Variants in ADGRL3 observed in about 807,000 individuals in gnomAD.
The protein encoded by ADGRL3 is calcium-independent alpha-latrotoxin receptor 3.
Under a neutral mutation model 153.5 loss-of-function variants are expected in ADGRL3, and 62 were observed. That is an observed-to-expected ratio of 0.40 (90% confidence interval 0.33 to 0.50). The LOEUF (loss-of-function observed/expected upper bound fraction) is 0.50, where lower values mean the gene tolerates loss of function less well. Among genes scored for constraint, ADGRL3 ranks in the 20% least tolerant of loss-of-function variants. The pLI is 0.47. For missense variants in ADGRL3, 1,641 were observed against 1,859.4 expected (o/e 0.88, Z 2.16); for synonymous variants, 710 against 672.5 (o/e 1.06, Z -0.86).
intron 9 of ADGRL3, among the ~76,000 whole-genome samples, chr4:61,836,699 T>A (rs1482580989): frequency 6.6e-6 from 1 of 152,128 alleles, no homozygotes; most frequent in African/African-American, 2.4e-5. Context: ...CGTTTTAAAA[T>A]GACTGTATTT....
chr4:61,371,956 C>G (rs1169327259), intron 1 of ADGRL3, among the ~76,000 whole-genome samples: 2 of 152,106 alleles, frequency 1.3e-5, no homozygotes, highest in African/African-American at 2.4e-5. Context: ...CTCTAAACTT[C>G]CGTTCTTGCT....
intron 21 of ADGRL3, among the ~76,000 whole-genome samples, chr4:62,014,247 T>C (rs1171328882): frequency 2.6e-5 from 4 of 152,146 alleles, no homozygotes; most frequent in African/African-American, 9.6e-5. Flanking sequence ...AGAGAACCAA[T>C]CCTTTGAGTT....
In ADGRL3 at chr4:61,981,774, G is replaced by A. The variant is rs146627074; in HGVS notation, c.3016-1609G>A. On this transcript the variant is annotated intron_variant, in intron 18 of 26. Transcript: ENST00000683033. ...GGCTTTTGAGCATAATAAATAGTTC[G>A]CTTACTTAATGCTGTTTTCTGGTAT... Among the ~76,000 whole-genome samples the A allele has an allele frequency of 1.5e-3, 231 of 152,166 alleles. 2 individuals are homozygous for A. Among genetic ancestry groups the A allele is most frequent in the Middle Eastern group, 3.4e-3 (1 of 294 alleles).
At position 61,983,457 on chromosome 4, in the gene ADGRL3, G is replaced by T; in HGVS notation, c.3090G>T (p.Gly1030=). 6.2e-7 allele frequency: 1 copy of T among 1,613,860 alleles called. No individual in the cohort carries two copies. The highest frequency in any genetic ancestry group is 8.5e-7 in the Non-Finnish European group (1 of 1,179,864). Residue 1030 remains glycine (G), a synonymous_variant, in exon 19 of 27, where the codon GGG becomes GGT. Coordinates refer to ENST00000683033, the MANE Select transcript of ADGRL3 (RefSeq NM_001387552.1). ...CCTTCACCTGGATGTTCCTGGAGGG[G>T]GTGCAGCTTTATATCATGCTGGTGG... The part of the protein sequence containing the change: ...LAAFTWMFLE[G]VQLYIMLVEV...
chr4:61,899,527 C>T (rs2098652067), intron 11 of ADGRL3, among the ~76,000 whole-genome samples: 1 of 151,882 alleles, frequency 6.6e-6, no homozygotes, highest in Non-Finnish European at 1.5e-5. Context: ...CCACAATATA[C>T]ACATGCAAAA....
intron 1 of ADGRL3, among the ~76,000 whole-genome samples, chr4:61,222,437 T>C (rs1454710827): frequency 2.0e-5 from 3 of 152,186 alleles, no homozygotes; most frequent in Admixed American, 2.0e-4. Flanking sequence ...CAATATTTTA[T>C]GTATCTCTCA....
At chr4:61,393,564 C>T (rs2096837246) in intron 2 of ADGRL3, among the ~76,000 whole-genome samples, 1 of 151,396 alleles carries the variant, frequency 6.6e-6, no homozygotes, top group Non-Finnish European at 1.5e-5. Context: ...TAATTTAGAG[C>T]CTTTACTTAA....
intron 18 of ADGRL3, among the ~76,000 whole-genome samples, chr4:61,980,935 A>G (rs1211689000): frequency 1.3e-5 from 2 of 152,186 alleles, no homozygotes; most frequent in Non-Finnish European, 2.9e-5. Context: ...GAAAGCTGCT[A>G]TAACCATATG....
intron 21 of ADGRL3, among the ~76,000 whole-genome samples, chr4:62,028,179 A>G (rs1263738308): frequency 6.6e-6 from 1 of 151,868 alleles, no homozygotes; most frequent in Non-Finnish European, 1.5e-5. Flanking sequence ...ATCTTCACTA[A>G]TTGAGTATTA....
intron 9 of ADGRL3, among the ~76,000 whole-genome samples, chr4:61,883,758 G>T (rs1051687405): frequency 6.6e-6 from 1 of 152,092 alleles, no homozygotes; most frequent in Non-Finnish European, 1.5e-5. Flanking sequence ...TAAATTGACA[G>T]ATTTTTTTTT....
intron 1 of ADGRL3, among the ~76,000 whole-genome samples, chr4:61,348,571 A>C (rs956090687): frequency 1.3e-5 from 2 of 152,010 alleles, no homozygotes; most frequent in Admixed American, 6.6e-5. Context: ...GTGGAAGCAT[A>C]ATTCTCAAAT....
At chr4:61,606,363 A>G (rs576739013) in intron 5 of ADGRL3, among the ~76,000 whole-genome samples, 1 of 152,340 alleles carries the variant, frequency 6.6e-6, no homozygotes, top group Admixed American at 6.5e-5. Context: ...TAAGGCTGCC[A>G]TAACAAAATA....
intron 2 of ADGRL3, among the ~76,000 whole-genome samples, chr4:61,435,859 G>A (rs1432013556): frequency 6.7e-6 from 1 of 150,344 alleles, no homozygotes; most frequent in East Asian, 1.9e-4. Context: ...AGTTATCAAT[G>A]GGAAGTTAAT....
At chr4:61,876,667 T>C (rs577053327) in intron 9 of ADGRL3, among the ~76,000 whole-genome samples, 3 of 151,392 alleles carry the variant, frequency 2.0e-5, no homozygotes, top group African/African-American at 7.3e-5. Flanking sequence ...GAGAAATAAA[T>C]GCCTGGGAGG....
intron 8 of ADGRL3, among the ~76,000 whole-genome samples, chr4:61,797,148 C>G (rs916963614): frequency 1.3e-5 from 2 of 152,132 alleles, no homozygotes; most frequent in Non-Finnish European, 2.9e-5. Flanking sequence ...TAGAGACTTT[C>G]CTTCTTTCAG....
chr4:61,321,507 G>A (rs753674991), intron 1 of ADGRL3, among the ~76,000 whole-genome samples: 1 of 151,374 alleles, frequency 6.6e-6, no homozygotes, highest in Non-Finnish European at 1.5e-5. Flanking sequence ...TAGGGTTGGG[G>A]ATATATTCTG....
intron 9 of ADGRL3, among the ~76,000 whole-genome samples, chr4:61,872,655 T>TA (rs112560667): frequency 0.2 from 27,956 of 143,014 alleles, 2,777 homozygotes; most frequent in African/African-American, 0.23. Flanking sequence ...TAACCTTGTT[T>TA]AAAAAAAAAA....
chr4:61,250,491 C>G (rs575022757), intron 1 of ADGRL3, among the ~76,000 whole-genome samples: 20 of 152,250 alleles, frequency 1.3e-4, no homozygotes, highest in African/African-American at 4.8e-4. Context: ...AGGGCCTGAT[C>G]TGATGGCCTT....
intron 1 of ADGRL3, among the ~76,000 whole-genome samples, chr4:61,369,492 T>TG (rs1423890632): frequency 1.3e-5 from 2 of 152,168 alleles, no homozygotes; most frequent in Non-Finnish European, 2.9e-5. Context: ...GATAATCATG[T>TG]GGTTTTTGTC....
Sources: gnomAD v4.1 joint callset for allele counts (sites outside exome capture counted in the v4.1 genomes callset) on GRCh38, gnomAD v4.1.1 for gene constraint, MANE v1.5 for transcripts, NCBI Gene and HGNC (gene_info 2026-07-23, HGNC 2026-07-21) for gene names.